NPAS3: variants seen among roughly 807,000 people sequenced by gnomAD.
NPAS3 encodes the protein neuronal PAS domain-containing protein 3.
In NPAS3, 14 loss-of-function variants were observed where a neutral mutation model predicts 73.1. The observed-to-expected ratio is 0.19, with a 90% CI of 0.13 to 0.30. The LOEUF is 0.30. NPAS3 is among the 10% of genes least tolerant of loss of function. The pLI is 1.00. For synonymous variants in NPAS3, 620 were observed against 541.5 expected (o/e 1.14, Z -2.01); for missense variants, 1,096 against 1,250.0 (o/e 0.88, Z 1.86).
chr14:33,502,263 C>T (rs1471087499), intron 4 of NPAS3, among the ~76,000 whole-genome samples: 1 of 119,538 alleles, frequency 8.4e-6, no homozygotes, highest in Non-Finnish European at 1.8e-5. Flanking sequence ...TTTTCTATGG[C>T]TCTCCCCCAT....
chr14:33,204,539 A>G (rs2046750541), intron 2 of NPAS3, among the ~76,000 whole-genome samples: 1 of 152,082 alleles, frequency 6.6e-6, no homozygotes. Flanking sequence ...GTTGATTTGT[A>G]TACGTTTTCT....
At chr14:33,301,168 G>A (rs1399721976) in intron 3 of NPAS3, among the ~76,000 whole-genome samples, 3 of 151,458 alleles carry the variant, frequency 2.0e-5, no homozygotes, top group Admixed American at 1.3e-4. Flanking sequence ...ACATCCACCT[G>A]TGGGAATATT....
intron 6 of NPAS3, among the ~76,000 whole-genome samples, chr14:33,706,030 C>G (rs191693163): frequency 2.0e-5 from 3 of 152,226 alleles, no homozygotes; most frequent in South Asian, 2.1e-4. Flanking sequence ...ACACATGTAA[C>G]TGCTAGGGGA....
intron 2 of NPAS3, 108 bp from the exon 3 acceptor site, chr14:33,215,074 T>A: frequency 8.3e-7 from 1 of 1,200,748 alleles, no homozygotes; most frequent in South Asian, 1.5e-5. Flanking sequence ...TTTGAAATAG[T>A]TTTTGGTAGA....
chr14:32,992,157 A>C (rs144638285), intron 1 of NPAS3, among the ~76,000 whole-genome samples: 1 of 152,278 alleles, frequency 6.6e-6, no homozygotes, highest in African/African-American at 2.4e-5. Flanking sequence ...CTGGACTCCT[A>C]AAAGTCTGTT....
intron 1 of NPAS3, among the ~76,000 whole-genome samples, chr14:32,948,632 G>A (rs935040436): frequency 2.6e-5 from 4 of 151,910 alleles, no homozygotes; most frequent in African/African-American, 4.8e-5. Flanking sequence ...ATAATTCATC[G>A]CTAATCCATG....
chr14:33,145,396 T>C (rs1408847258), intron 2 of NPAS3, among the ~76,000 whole-genome samples: 1 of 152,208 alleles, frequency 6.6e-6, no homozygotes, highest in Non-Finnish European at 1.5e-5. Flanking sequence ...CATGATATGC[T>C]CCTTTGATTT....
intron 3 of NPAS3, among the ~76,000 whole-genome samples, chr14:33,311,803 C>A (rs78812599): frequency 0.078 from 11,926 of 151,938 alleles, 931 homozygotes; most frequent in East Asian, 0.34. Flanking sequence ...TGTAACTTGG[C>A]CTGAGAATGA....
At chr14:33,370,868 G>A (rs1337503147) in intron 4 of NPAS3, among the ~76,000 whole-genome samples, 1 of 152,158 alleles carries the variant, frequency 6.6e-6, no homozygotes, top group Non-Finnish European at 1.5e-5. Context: ...TCTACTACCT[G>A]AGAGAAGTCG....
intron 2 of NPAS3, among the ~76,000 whole-genome samples, chr14:33,083,158 G>C (rs1331769336): frequency 8.5e-6 from 1 of 117,810 alleles, no homozygotes; most frequent in East Asian, 2.8e-4. Context: ...ACTCCAGCCT[G>C]GGTAATGGCG....
chr14:33,541,771 G>T (rs192409184), intron 4 of NPAS3, among the ~76,000 whole-genome samples: 2 of 152,256 alleles, frequency 1.3e-5, no homozygotes, highest in African/African-American at 4.8e-5. Context: ...TGCTTACTTG[G>T]AGTGGTGGAG....
At chr14:33,764,712 C>T (rs2062405382) in intron 7 of NPAS3, among the ~76,000 whole-genome samples, 2 of 152,184 alleles carry the variant, frequency 1.3e-5, no homozygotes, top group Non-Finnish European at 2.9e-5. Flanking sequence ...CTATGAAGGG[C>T]GACACCCCGC....
chr14:33,074,217 T>C (rs1020160541), intron 2 of NPAS3, among the ~76,000 whole-genome samples: 8 of 152,204 alleles, frequency 5.3e-5, no homozygotes, highest in African/African-American at 1.9e-4. Context: ...TTATAAGAAA[T>C]GGCCAACATT....
intron 2 of NPAS3, among the ~76,000 whole-genome samples, chr14:33,186,498 G>T (rs909105439): frequency 2.0e-5 from 3 of 152,080 alleles, no homozygotes; most frequent in Admixed American, 6.5e-5. Flanking sequence ...GCTTTAGTTT[G>T]AATATCCAAA....
Position 33,184,404 on chromosome 14 carries a change from C to A in NPAS3, c.141-30778C>A, listed in dbSNP as rs575640585. 2.0e-5 allele frequency among the ~76,000 whole-genome samples: 3 copies of A among 152,192 alleles called. No individual in the cohort carries two copies. The South Asian group carries it at 6.2e-4, about 32-fold the overall frequency. ...TCAAGGAGCGTAATGGAGAAGGGAGCAGGAGCTGGTTCATACGAGGCCTTT... is the reference window on the plus strand; with the variant it reads ...TCAAGGAGCGTAATGGAGAAGGGAGAAGGAGCTGGTTCATACGAGGCCTTT... On this transcript the variant is annotated intron_variant, in intron 2 of 11. Transcript: ENST00000356141.
intron 6 of NPAS3, among the ~76,000 whole-genome samples, chr14:33,682,914 T>G (rs2059979349): frequency 6.6e-6 from 1 of 152,200 alleles, no homozygotes; most frequent in Non-Finnish European, 1.5e-5. Flanking sequence ...AAGGCACAGC[T>G]GCAACCCCAG....
intron 3 of NPAS3, among the ~76,000 whole-genome samples, chr14:33,286,333 T>C (rs577130940): frequency 2.6e-5 from 4 of 152,338 alleles, no homozygotes; most frequent in Admixed American, 1.3e-4. Context: ...TAGAAAGTTA[T>C]ATCGCATTAT....
intron 4 of NPAS3, among the ~76,000 whole-genome samples, chr14:33,548,890 G>C (rs1229288193): frequency 6.6e-6 from 1 of 152,222 alleles, no homozygotes; most frequent in Non-Finnish European, 1.5e-5. Flanking sequence ...CTGGAACAGA[G>C]GGAAAGGAAA....
chr14:33,304,637 A>T (rs2042686530), intron 3 of NPAS3, among the ~76,000 whole-genome samples: 1 of 152,104 alleles, frequency 6.6e-6, no homozygotes, highest in African/African-American at 2.4e-5. Context: ...TTCTAAGCAT[A>T]TGTTCAGAAA....
Sources: allele counts gnomAD v4.1 joint callset (sites outside exome capture counted in the v4.1 genomes callset), GRCh38; gene constraint gnomAD v4.1.1; transcripts MANE v1.5; gene names NCBI Gene and HGNC (gene_info 2026-07-23, HGNC 2026-07-21).